PLCXD1: variants seen among roughly 807,000 people sequenced by gnomAD.
PLCXD1 encodes the protein PI-PLC X domain-containing protein 1.
A neutral mutation model predicts 37.8 loss-of-function variants in PLCXD1; 45 were observed. That is an observed-to-expected ratio of 1.19 (90% CI 0.94 to 1.53). The LOEUF (loss-of-function observed/expected upper bound fraction) is 1.53, where lower values mean the gene tolerates loss of function less well. Among genes scored for constraint, PLCXD1 ranks in the 40% most tolerant of loss-of-function variants. The pLI is 0.00. For missense variants in PLCXD1, 539 were observed against 454.7 expected (o/e 1.19, Z -1.69); for synonymous variants, 246 against 206.9 (o/e 1.19, Z -1.62).
intron 2 of PLCXD1, 82 bp downstream of exon 2, chrX:284,396 C>T (rs2069378581): frequency 1.3e-6 from 2 of 1,510,914 alleles, no homozygotes; most frequent in Non-Finnish European, 9.1e-7. Flanking sequence ...GTCTGCATTC[C>T]CCAGTGGGGA....
chrX:288,856 G>T lies in PLCXD1; in HGVS notation c.251G>T (p.Trp84Leu). 6.2e-7 allele frequency: 1 copy of T among 1,612,758 alleles called. No individual in the cohort carries two copies. The highest frequency in any genetic ancestry group is 8.5e-7 in the Non-Finnish European group (1 of 1,179,830). ...ATCACGCGCCCTGTCGTGCTGAAAT[G>T]GTCCGTCACCCAGGTACGGTCTGTG... ...PCITRPVVLK[W>L]SVTQALDVTE... Residue 84 changes from tryptophan (W) to leucine (L), a missense_variant, in exon 3 of 7, where the codon TGG (tryptophan) becomes TTG (leucine). Transcript: ENST00000381657.
intron 4 of PLCXD1, among the ~76,000 whole-genome samples, chrX:291,135 ATTTCT>A (rs1208252440): frequency 1.3e-5 from 2 of 148,996 alleles, no homozygotes; most frequent in South Asian, 2.1e-4. Flanking sequence ...CGTTACGGAG[ATTTCT>A]TTTTTTTTTG....
chrX:294,293 T>C (rs948219870), intron 6 of PLCXD1, among the ~76,000 whole-genome samples: 15 of 151,906 alleles, frequency 9.9e-5, no homozygotes, highest in Admixed American at 4.6e-4. Context: ...CCATCCCGGC[T>C]AACATGGAGA....
chrX:293,127 G>A lies in PLCXD1; in HGVS notation c.642G>A (p.Leu214=). The A allele has an allele frequency of 6.2e-7, 1 of 1,612,372 alleles. No homozygotes were observed. The highest frequency in any genetic ancestry group is 8.5e-7 in the Non-Finnish European group (1 of 1,179,554). ...GCTCCTTGCGCCGGCACCACGAGCT[G>A]TGGCCAGGAGTCCCCTACTGGTGGG... ...DESSLRRHHE[L]WPGVPYWWGN... is the part of the protein sequence containing the mutation. The change falls in exon 6 of 7, where the codon CTG becomes CTA. Residue 214 remains leucine (L), a synonymous_variant. Coordinates refer to ENST00000381657, the MANE Select transcript of PLCXD1 (RefSeq NM_018390.4).
intron 6 of PLCXD1, among the ~76,000 whole-genome samples, chrX:294,894 A>G (rs193143135): frequency 3.9e-4 from 59 of 151,966 alleles, no homozygotes; most frequent in Admixed American, 2.3e-3. Context: ...AAAATCGTGA[A>G]TTTCGGTGCA....
intron 2 of PLCXD1, among the ~76,000 whole-genome samples, chrX:284,660 A>ACACACATGCACATCTG (rs2069390547): frequency 2.8e-5 from 1 of 35,224 alleles, no homozygotes. Flanking sequence ...GCACATCTGC[A>ACACACATGCACATCTG]CACACACATG....
chrX:295,036 T>C (rs1390018505), intron 6 of PLCXD1, among the ~76,000 whole-genome samples: 2 of 149,722 alleles, frequency 1.3e-5, no homozygotes, highest in African/African-American at 4.9e-5. Flanking sequence ...TGGGCGTGGT[T>C]GTGTGCACCT....
At chrX:276,932 G>A (rs965608222), upstream of PLCXD1, among the ~76,000 whole-genome samples, 41 of 152,282 alleles carry the variant, frequency 2.7e-4, no homozygotes, top group Non-Finnish European at 4.7e-4. Context: ...AGGACTCAGC[G>A]GGCGGGAAGG....
At chrX:280,436 G>C (rs867265096), upstream of PLCXD1, among the ~76,000 whole-genome samples, 21 of 19,598 alleles carry the variant, frequency 1.1e-3, no homozygotes, top group Admixed American at 3.1e-3. Flanking sequence ...GCAGGGGGAG[G>C]GGAGGCCGTG....
intron 2 of PLCXD1, among the ~76,000 whole-genome samples, chrX:286,313 C>T (rs1213754408): frequency 1.2e-4 from 18 of 152,116 alleles, no homozygotes; most frequent in Non-Finnish European, 2.9e-5. Context: ...AATCCACCTG[C>T]CTCGGCCTCC....
At chrX:293,973 C>T (rs1260330012) in intron 6 of PLCXD1, among the ~76,000 whole-genome samples, 1 of 152,174 alleles carries the variant, frequency 6.6e-6, no homozygotes, top group Non-Finnish European at 1.5e-5. Flanking sequence ...AACGTGAATC[C>T]ACTTTATTTT....
upstream of PLCXD1, among the ~76,000 whole-genome samples, chrX:277,316 ACCTGGGATGTGAGGGGAGGG>A (rs2069177186): frequency 3.2e-5 from 1 of 31,018 alleles, no homozygotes; most frequent in African/African-American, 7.6e-5. Context: ...TGGTCAGGGG[ACCTGGGATGTGAGGGGAGGG>A]GTTGGGGAAC....
intron 5 of PLCXD1, among the ~76,000 whole-genome samples, chrX:292,382 C>A (rs1172634551): frequency 6.6e-6 from 1 of 151,934 alleles, no homozygotes; most frequent in Non-Finnish European, 1.5e-5. Context: ...TGGTGTGAAC[C>A]CGGGGGGTGG....
At position 296,369 on chromosome X, in the gene PLCXD1, G is replaced by A. The variant is rs189199234; in HGVS notation, c.734-2728G>A. ...TGAACTCCTGACCTCATGATCCACC[G>A]GCCTCAACCTCTCAACGTGCTGGGA... is the stretch of plus-strand genomic sequence containing the variant. On this transcript the variant is annotated intron_variant, in intron 6 of 6. Coordinates refer to ENST00000381657, the MANE Select transcript of PLCXD1 (RefSeq NM_018390.4). Among the ~76,000 whole-genome samples, 799 of 151,472 alleles carry A rather than the reference G, an allele frequency of 5.3e-3. 11 individuals are homozygous for A. The highest frequency in any genetic ancestry group is 0.018 in the African/African-American group (752 of 41,296).
chrX:287,584 G>T (rs868852653), intron 2 of PLCXD1, among the ~76,000 whole-genome samples: 1 of 82,688 alleles, frequency 1.2e-5, no homozygotes, highest in African/African-American at 4.8e-5. Context: ...TATAGATATA[G>T]ATACTATATA....
intron 2 of PLCXD1, among the ~76,000 whole-genome samples, chrX:288,420 T>G (rs1379393543): frequency 6.6e-6 from 1 of 152,174 alleles, no homozygotes; most frequent in Non-Finnish European, 1.5e-5. Context: ...CCACGAGGCC[T>G]CCTCCTCTGT....
At chrX:288,398 C>T (rs1372981574) in intron 2 of PLCXD1, among the ~76,000 whole-genome samples, 4 of 152,144 alleles carry the variant, frequency 2.6e-5, no homozygotes, top group South Asian at 4.1e-4. Context: ...ACTCCAGTCT[C>T]TGCCTCCGTC....
Position 299,467 on chromosome X carries a change from T to G in PLCXD1, c.*132T>G. The stretch of plus-strand genomic sequence containing the variant: ...TAATACGTTTTCATTTTCTTTAAAA[T>G]AGAGATGGGGTGGCTGGGCGTGGTG... On this transcript the variant is annotated 3_prime_UTR_variant, in exon 7 of 7. Coordinates refer to ENST00000381657, the MANE Select transcript of PLCXD1 (RefSeq NM_018390.4). 1 of 753,032 alleles carries G rather than the reference T, an allele frequency of 1.3e-6. No homozygotes were observed. The highest frequency in any genetic ancestry group is 2.3e-6 in the Non-Finnish European group (1 of 439,112). 46.6% of individuals were successfully genotyped at this position (753,032 alleles called of 1,614,324 possible).
chrX:287,389 A>G (rs1417412451), intron 2 of PLCXD1, among the ~76,000 whole-genome samples: 14 of 143,614 alleles, frequency 9.7e-5, no homozygotes, highest in Non-Finnish European at 1.7e-4. Flanking sequence ...TTATGCAAAA[A>G]TATGTATTTA....
Sources: allele counts gnomAD v4.1 joint callset (sites outside exome capture counted in the v4.1 genomes callset), GRCh38; gene constraint gnomAD v4.1.1; transcripts MANE v1.5; gene names NCBI Gene and HGNC (gene_info 2026-07-23, HGNC 2026-07-21).